The following NSD3 variants were observed in gnomAD, a reference collection of about 807,000 sequenced individuals.
NSD3 encodes the protein histone-lysine N-methyltransferase NSD3.
Under a neutral mutation model 160.8 loss-of-function variants are expected in NSD3, and 24 were observed. The observed-to-expected ratio is 0.15, with a 90% CI of 0.11 to 0.21. NSD3 has a LOEUF of 0.21. Among genes scored for constraint, NSD3 ranks in the 10% least tolerant of loss-of-function variants. The pLI, the probability that NSD3 is intolerant of heterozygous loss-of-function variation, is 1.00. For synonymous variants in NSD3, 520 were observed against 600.0 expected, an observed-to-expected ratio of 0.87 and a Z score of 1.95; for missense variants, 1,157 against 1,735.9, an observed-to-expected ratio of 0.67 and a Z score of 5.93.
intron 19 of NSD3, among the ~76,000 whole-genome samples, chr8:38,282,801 A>G (rs951455906): frequency 1.3e-5 from 2 of 152,258 alleles, no homozygotes; most frequent in African/African-American, 2.4e-5. Context: ...GGTGCTGAGT[A>G]TATCAACAGG....
intron 21 of NSD3, among the ~76,000 whole-genome samples, 179 bp from the exon 22 acceptor site, chr8:38,278,591 C>T (rs1339365064): frequency 6.6e-6 from 1 of 152,132 alleles, no homozygotes; most frequent in African/African-American, 2.4e-5. Flanking sequence ...AAAAACATCC[C>T]CACCCAGGAA....
chr8:38,334,063 G>A (rs558929135), intron 4 of NSD3, among the ~76,000 whole-genome samples: 11 of 152,300 alleles, frequency 7.2e-5, no homozygotes, highest in Admixed American at 2.6e-4. Context: ...AGCATAAAAT[G>A]CTTAATAGGC....
At position 38,276,572 on chromosome 8, in the gene NSD3, G is replaced by T. The variant is rs184536018; in HGVS notation, c.3868-72C>A. ...ATGAAGCTGGACACAGGAAAACCCT[G>T]CAACCTTGCATTCATTTAAATTCAT... On this transcript the variant is annotated intron_variant, in intron 22 of 23. Transcript: ENST00000317025. 72 of 1,510,954 alleles carry T rather than the reference G, an allele frequency of 4.8e-5. No individual in the cohort carries two copies. The African/African-American group carries it at 8.9e-4, about 19-fold the overall frequency. The allele number at this position is 1,510,954 out of a possible 1,614,324, so 93.6% of individuals were successfully genotyped here.
chr8:38,349,295 A>C (rs1189319231), intron 1 of NSD3, among the ~76,000 whole-genome samples: 1 of 152,138 alleles, frequency 6.6e-6, no homozygotes. Flanking sequence ...TGATATAATA[A>C]ATACGTCTGC....
chr8:38,369,364 G>A (rs890169991), intron 1 of NSD3, among the ~76,000 whole-genome samples: 15 of 152,134 alleles, frequency 9.9e-5, no homozygotes, highest in African/African-American at 3.6e-4. Flanking sequence ...GGACTGGAAA[G>A]TTAACTTCAT....
At chr8:38,279,949 TAGA>T (rs1459226320) in intron 20 of NSD3, 2 of 336,654 alleles carry the variant, frequency 5.9e-6, no homozygotes, top group African/African-American at 2.1e-5. Context: ...TAATGCTATT[TAGA>T]AGATTAGTGG....
chr8:38,372,955 C>T (rs1275824455), intron 1 of NSD3, among the ~76,000 whole-genome samples: 1 of 150,014 alleles, frequency 6.7e-6, no homozygotes, highest in Non-Finnish European at 1.5e-5. Flanking sequence ...AAGGCTGACG[C>T]AGGCGAATCG....
At position 38,315,523 on chromosome 8, in the gene NSD3, C is replaced by G. The variant is rs375313056; in HGVS notation, c.2008G>C (p.Asp670His). The change falls in exon 11 of 24, where the codon GAT becomes CAT. Residue 670 changes from aspartate (D) to histidine (H), a missense_variant. Transcript: ENST00000317025. Reference sequence around the variant, plus strand: ...GCATCTGCAGTAGCTGAAGGGCTATCTACTTGCTTTCCAAAGCCTACCTAC... The same window carrying G: ...GCATCTGCAGTAGCTGAAGGGCTATGTACTTGCTTTCCAAAGCCTACCTAC... ...DLQVGFGKQV[D>H]SPSATADADV... The G allele has an allele frequency of 1.2e-6, 2 of 1,613,438 alleles. No individual in the cohort carries two copies. Among genetic ancestry groups the G allele is most frequent in the Non-Finnish European group, 1.7e-6 (2 of 1,179,816 alleles).
In NSD3 at chr8:38,278,357, C is replaced by T; in HGVS notation, c.3816G>A (p.Glu1272=). The T allele has an allele frequency of 6.2e-7, 1 of 1,614,130 alleles. No individual in the cohort carries two copies. The highest frequency in any genetic ancestry group is 8.5e-7 in the Non-Finnish European group (1 of 1,180,028). ...NLDCLGNGRT[E]CHCGADNCSG... Reference sequence around the variant, plus strand: ...TGCAGTTATCTGCTCCACAGTGGCACTCCGTTCTGCCGTTGCCCAGACAAT... The same window carrying T: ...TGCAGTTATCTGCTCCACAGTGGCATTCCGTTCTGCCGTTGCCCAGACAAT... Residue 1272 remains glutamate, a synonymous_variant, in exon 22 of 24, where the codon GAG becomes GAA. Transcript: ENST00000317025.
At chr8:38,368,620 C>G (rs1811164454) in intron 1 of NSD3, among the ~76,000 whole-genome samples, 1 of 152,068 alleles carries the variant, frequency 6.6e-6, no homozygotes, top group Admixed American at 6.6e-5. Context: ...CCTGACTAAA[C>G]CACATTACTA....
chr8:38,314,150 A>G (rs1809602328), intron 12 of NSD3, among the ~76,000 whole-genome samples: 1 of 152,222 alleles, frequency 6.6e-6, no homozygotes, highest in Admixed American at 6.5e-5. Context: ...AATATAAACT[A>G]GCATATTTAT....
intron 4 of NSD3, 42 bp downstream of exon 4, chr8:38,337,262 AT>A: frequency 1.3e-6 from 2 of 1,488,218 alleles, no homozygotes; most frequent in Non-Finnish European, 1.8e-6. Flanking sequence ...AGTCACTTTT[AT>A]TTCCAACCTT....
intron 1 of NSD3, among the ~76,000 whole-genome samples, chr8:38,353,207 G>A (rs1810744050): frequency 6.6e-6 from 1 of 152,164 alleles, no homozygotes; most frequent in Non-Finnish European, 1.5e-5. Flanking sequence ...CGCAGTTCCA[G>A]GGTCTGTGCT....
intron 1 of NSD3, among the ~76,000 whole-genome samples, chr8:38,354,026 G>A (rs1286792208): frequency 6.6e-6 from 1 of 152,208 alleles, no homozygotes; most frequent in Admixed American, 6.5e-5. Context: ...CTAGTGCAAT[G>A]TCCCTTTCAG....
chr8:38,280,359 G>A (rs952288669), intron 20 of NSD3: 1 of 152,144 alleles, frequency 6.6e-6, no homozygotes, highest in Admixed American at 6.5e-5. Flanking sequence ...GGTTGCAGGA[G>A]CCAGATCCCA....
chr8:38,339,369 A>AT (rs1348021463), intron 2 of NSD3, among the ~76,000 whole-genome samples: 7 of 152,214 alleles, frequency 4.6e-5, no homozygotes, highest in African/African-American at 1.7e-4. Flanking sequence ...TGAGAGATGT[A>AT]AAAAATATGG....
chr8:38,309,773 G>A (rs1304755699), intron 12 of NSD3, among the ~76,000 whole-genome samples: 1 of 152,166 alleles, frequency 6.6e-6, no homozygotes, highest in Non-Finnish European at 1.5e-5. Context: ...ATTCAAAAGG[G>A]CAAATAAAGA....
intron 2 of NSD3, among the ~76,000 whole-genome samples, chr8:38,342,576 T>TC (rs1281136479): frequency 1.4e-5 from 2 of 144,730 alleles, no homozygotes; most frequent in Non-Finnish European, 3.0e-5. Context: ...AGCCTAGTAC[T>TC]TTTTTTTTTT....
At position 38,304,827 on chromosome 8, in the gene NSD3, T is replaced by C; in HGVS notation, c.2441-70A>G. On this transcript the variant is annotated intron_variant, in intron 13 of 23. Coordinates refer to ENST00000317025, the MANE Select transcript of NSD3 (RefSeq NM_023034.2). ...GGACATAAAAATAAGTTTCTGGAGT[T>C]GGGCTTTTTTGGGTCCCTCTGAGAT... 6 of 1,468,624 alleles carry C rather than the reference T, an allele frequency of 4.1e-6. No homozygotes were observed. The South Asian group carries it at 8.3e-5, about 20-fold the overall frequency. The allele number at this position is 1,468,624 out of a possible 1,614,324, so 91.0% of individuals were successfully genotyped here. A position where few individuals can be genotyped will look rare whatever the true frequency, so the allele number is the denominator to read the frequency against.
Sources: allele counts gnomAD v4.1 joint callset (sites outside exome capture counted in the v4.1 genomes callset), GRCh38; gene constraint gnomAD v4.1.1; transcripts MANE v1.5; gene names NCBI Gene and HGNC (gene_info 2026-07-23, HGNC 2026-07-21).